The following GRIP1 variants were observed in gnomAD, a reference collection of about 807,000 sequenced individuals.
GRIP1 encodes the protein glutamate receptor interacting protein 1.
Under a neutral mutation model 129.9 loss-of-function variants are expected in GRIP1, and 45 were observed. That is an observed-to-expected ratio of 0.35 (90% CI 0.27 to 0.44). The LOEUF is 0.44. Among genes scored for constraint, GRIP1 ranks in the 20% least tolerant of loss-of-function variants. GRIP1 has a pLI of 1.00. For missense variants in GRIP1, 1,196 were observed against 1,396.8 expected (o/e 0.86, Z 2.29); for synonymous variants, 530 against 520.8 (o/e 1.02, Z -0.24).
At chr12:66,640,683 C>A (rs1259061263) in intron 1 of GRIP1, among the ~76,000 whole-genome samples, 1 of 152,026 alleles carries the variant, frequency 6.6e-6, no homozygotes, top group Non-Finnish European at 1.5e-5. Context: ...CATTACTGGG[C>A]CATTTTCTCC....
At chr12:66,499,521 A>C (rs1029999118) in intron 7 of GRIP1, among the ~76,000 whole-genome samples, 1 of 152,236 alleles carries the variant, frequency 6.6e-6, no homozygotes, top group Non-Finnish European at 1.5e-5. Flanking sequence ...AGAGGATACA[A>C]TATGGGTAGA....
chr12:67,028,228 C>T (rs2042968174), intron 1 of GRIP1, among the ~76,000 whole-genome samples: 1 of 152,196 alleles, frequency 6.6e-6, no homozygotes, highest in South Asian at 2.1e-4. Flanking sequence ...ATACTGATTT[C>T]CCCTCCTGTT....
At chr12:66,492,288 G>C (rs2060123633) in intron 7 of GRIP1, among the ~76,000 whole-genome samples, 1 of 152,032 alleles carries the variant, frequency 6.6e-6, no homozygotes, top group South Asian at 2.1e-4. Flanking sequence ...AATATACTTT[G>C]AAATATTTAA....
At chr12:66,979,222 TA>T (rs35306665) in intron 1 of GRIP1, among the ~76,000 whole-genome samples, 987 of 41,300 alleles carry the variant, frequency 0.024, 3 homozygotes, top group East Asian at 0.062. Flanking sequence ...CTTCTCTTCT[TA>T]AAAAAAAAAA....
At chr12:67,038,260 G>C (rs1565650625) in intron 1 of GRIP1, among the ~76,000 whole-genome samples, 1 of 152,302 alleles carries the variant, frequency 6.6e-6, no homozygotes, top group South Asian at 2.1e-4. Flanking sequence ...ACGTGGACAG[G>C]ATCCTGATGG....
intron 7 of GRIP1, among the ~76,000 whole-genome samples, chr12:66,506,978 T>C (rs1165413180): frequency 1.3e-5 from 2 of 152,250 alleles, no homozygotes; most frequent in South Asian, 2.1e-4. Context: ...TTAAAACTTA[T>C]AGACTTCTTT....
At chr12:66,530,732 TA>T (rs917447162) in intron 4 of GRIP1, among the ~76,000 whole-genome samples, 1 of 15,686 alleles carries the variant, frequency 6.4e-5, no homozygotes, top group Non-Finnish European at 1.0e-4. Context: ...CATTTCTGCA[TA>T]AAAAAACCCA....
intron 1 of GRIP1, among the ~76,000 whole-genome samples, chr12:66,852,002 C>T (rs2039920962): frequency 1.3e-5 from 2 of 152,014 alleles, no homozygotes; most frequent in South Asian, 4.1e-4. Flanking sequence ...CTCATCACAT[C>T]ATCATCCATT....
At chr12:66,349,473 C>G (rs2054124424) in intron 24 of GRIP1, among the ~76,000 whole-genome samples, 1 of 152,166 alleles carries the variant, frequency 6.6e-6, no homozygotes, top group Non-Finnish European at 1.5e-5. Context: ...ACACATCCTA[C>G]CTATCCTCAT....
At chr12:66,893,226 T>G (rs552600057) in intron 1 of GRIP1, among the ~76,000 whole-genome samples, 1 of 152,122 alleles carries the variant, frequency 6.6e-6, no homozygotes, top group Non-Finnish European at 1.5e-5. Flanking sequence ...CCATGCAAGC[T>G]GTTAAATGTA....
At chr12:66,912,481 G>A (rs2041046384) in intron 1 of GRIP1, among the ~76,000 whole-genome samples, 1 of 151,752 alleles carries the variant, frequency 6.6e-6, no homozygotes, top group Non-Finnish European at 1.5e-5. Context: ...TAGGCAAAAA[G>A]AAAAAACATG....
chr12:66,709,824 C>T (rs948339461), intron 1 of GRIP1, among the ~76,000 whole-genome samples: 3 of 151,958 alleles, frequency 2.0e-5, no homozygotes, highest in South Asian at 2.1e-4. Context: ...AAAGGGGATC[C>T]GTTTATAGGA....
intron 1 of GRIP1, among the ~76,000 whole-genome samples, chr12:66,747,798 T>C (rs1486475845): frequency 2.0e-5 from 3 of 152,078 alleles, no homozygotes; most frequent in Non-Finnish European, 2.9e-5. Flanking sequence ...AGTGTCTGGC[T>C]CAATAAAAAT....
At chr12:66,492,637 A>G (rs1428287960) in intron 7 of GRIP1, among the ~76,000 whole-genome samples, 3 of 152,316 alleles carry the variant, frequency 2.0e-5, no homozygotes, top group Admixed American at 6.5e-5. Context: ...CCAATTTCCA[A>G]TTAGAAGAAT....
At chr12:66,798,972 A>G (rs1337335408) in intron 1 of GRIP1, among the ~76,000 whole-genome samples, 2 of 152,186 alleles carry the variant, frequency 1.3e-5, no homozygotes, top group Non-Finnish European at 2.9e-5. Context: ...CAGAAGGCTC[A>G]TCAGTGAGCT....
chr12:66,795,597 A>G (rs1397229296), intron 1 of GRIP1, among the ~76,000 whole-genome samples: 1 of 152,202 alleles, frequency 6.6e-6, no homozygotes, highest in Non-Finnish European at 1.5e-5. Flanking sequence ...AATCATATTT[A>G]ACACATAGTA....
chr12:66,714,255 G>T (rs2035800067), intron 1 of GRIP1, among the ~76,000 whole-genome samples: 1 of 151,876 alleles, frequency 6.6e-6, no homozygotes, highest in Non-Finnish European at 1.5e-5. Context: ...TAAGGAGTTG[G>T]TATATTTAGG....
intron 1 of GRIP1, among the ~76,000 whole-genome samples, chr12:66,672,997 C>T (rs1367927366): frequency 2.0e-5 from 3 of 152,082 alleles, no homozygotes; most frequent in Admixed American, 6.5e-5. Context: ...TAAGTCTATT[C>T]TATTTCCCCT....
chr12:66,637,741 G>A (rs1592683983), intron 1 of GRIP1, among the ~76,000 whole-genome samples: 2 of 152,024 alleles, frequency 1.3e-5, no homozygotes, highest in East Asian at 3.9e-4. Flanking sequence ...GTCTTGCTCA[G>A]CTCCGTTACA....
Sources: allele counts gnomAD v4.1 joint callset (sites outside exome capture counted in the v4.1 genomes callset), GRCh38; gene constraint gnomAD v4.1.1; transcripts MANE v1.5; gene names NCBI Gene and HGNC (gene_info 2026-07-23, HGNC 2026-07-21).